Variants in TBL1X observed in about 807,000 individuals in gnomAD.
TBL1X encodes the protein F-box-like/WD repeat-containing protein TBL1X.
Under a neutral mutation model 50.7 loss-of-function variants are expected in TBL1X, and 10 were observed. The observed-to-expected ratio is 0.20, with a 90% CI of 0.12 to 0.33. The LOEUF is 0.33. Ranked by LOEUF, TBL1X falls within the 10% of genes least tolerant of loss-of-function variation. The pLI, the probability that TBL1X is intolerant of heterozygous loss-of-function variation, is 1.00. For missense variants in TBL1X, 340 were observed against 504.4 expected, an observed-to-expected ratio of 0.67 and a Z score of 3.12; for synonymous variants, 190 against 214.7, an observed-to-expected ratio of 0.88 and a Z score of 1.01.
At chrX:9,709,876 G>T (rs1161432206) in intron 15 of TBL1X, 116 bp downstream of exon 15, 2 of 1,004,065 alleles carry the variant, frequency 2.0e-6, no homozygotes, top group African/African-American at 3.8e-5. Flanking sequence ...CAAAGCGGTA[G>T]CTCACTTTGA....
At chrX:9,651,576 A>G (rs901090226) in intron 3 of TBL1X, among the ~76,000 whole-genome samples, 3 of 112,490 alleles carry the variant, frequency 2.7e-5, no homozygotes, top group African/African-American at 9.7e-5. Context: ...CATTCTTTAG[A>G]TAGATTTTTG....
chrX:9,500,644 A>G (rs1286472265), intron 1 of TBL1X, among the ~76,000 whole-genome samples: 2 of 111,804 alleles, frequency 1.8e-5, no homozygotes, highest in African/African-American at 3.3e-5. Flanking sequence ...CACCTACCCA[A>G]TTGTGGTGGG....
intron 2 of TBL1X, among the ~76,000 whole-genome samples, chrX:9,613,621 A>T (rs2082624573): frequency 8.9e-6 from 1 of 111,908 alleles, no homozygotes; most frequent in Admixed American, 9.5e-5. Context: ...GATCTCAGTA[A>T]TTTTTTAAAT....
chrX:9,545,235 T>C (rs1344010578), intron 2 of TBL1X, among the ~76,000 whole-genome samples: 1 of 110,478 alleles, frequency 9.1e-6, no homozygotes, highest in Non-Finnish European at 1.9e-5. Context: ...CCCCCATTTT[T>C]ATGGTTTGAA....
At chrX:9,692,595 A>G (rs1308149537) in intron 9 of TBL1X, among the ~76,000 whole-genome samples, 1 of 111,857 alleles carries the variant, frequency 8.9e-6, no homozygotes, top group Non-Finnish European at 1.9e-5. Flanking sequence ...TTTAGTAGAG[A>G]TGGGGTTTCA....
At chrX:9,649,605 C>A (rs2082822884) in intron 3 of TBL1X, among the ~76,000 whole-genome samples, 1 of 111,912 alleles carries the variant, frequency 8.9e-6, no homozygotes, top group South Asian at 3.7e-4. Context: ...ATTAGAGGAA[C>A]AGATAATTAA....
chrX:9,613,801 C>T (rs1405130819), intron 2 of TBL1X, among the ~76,000 whole-genome samples: 5 of 109,289 alleles, frequency 4.6e-5, no homozygotes, highest in African/African-American at 1.3e-4. Context: ...GCCTGGCCAA[C>T]GTGGTGAAAC....
intron 2 of TBL1X, among the ~76,000 whole-genome samples, chrX:9,551,858 C>T (rs2238857): frequency 0.33 from 36,823 of 110,630 alleles, 4,437 homozygotes; most frequent in East Asian, 0.51. Context: ...GTTTCTCCCC[C>T]GGAGACCCTC....
At chrX:9,623,191 A>G (rs1395235401) in intron 2 of TBL1X, among the ~76,000 whole-genome samples, 2 of 112,404 alleles carry the variant, frequency 1.8e-5, no homozygotes, top group Non-Finnish European at 3.8e-5. Flanking sequence ...TGTACAGGCA[A>G]CATGCTAAGG....
At chrX:9,708,044 C>T (rs2146656143) in intron 13 of TBL1X, among the ~76,000 whole-genome samples, 1 of 112,212 alleles carries the variant, frequency 8.9e-6, no homozygotes, top group Non-Finnish European at 1.9e-5. Context: ...TAGGCCGGGA[C>T]AGCAGGTGTC....
intron 2 of TBL1X, among the ~76,000 whole-genome samples, chrX:9,639,203 T>A (rs1311150853): frequency 9.0e-6 from 1 of 111,180 alleles, no homozygotes; most frequent in Non-Finnish European, 1.9e-5. Flanking sequence ...ACTATAAACA[T>A]GACTCAGTGG....
At chrX:9,658,140 G>A (rs911545577) in intron 5 of TBL1X, among the ~76,000 whole-genome samples, 4 of 111,684 alleles carry the variant, frequency 3.6e-5, no homozygotes, top group African/African-American at 1.3e-4. Flanking sequence ...CTTCTGCCAT[G>A]ATTGTGAGGC....
At chrX:9,707,427 G>T (rs1279605759) in intron 13 of TBL1X, among the ~76,000 whole-genome samples, 1 of 112,528 alleles carries the variant, frequency 8.9e-6, no homozygotes, top group Non-Finnish European at 1.9e-5. Context: ...CAGGTGTCCT[G>T]CCCAGGACCT....
intron 5 of TBL1X, among the ~76,000 whole-genome samples, chrX:9,666,643 T>G (rs1027346810): frequency 1.8e-5 from 2 of 111,912 alleles, no homozygotes; most frequent in African/African-American, 6.5e-5. Context: ...ATTGTTTGAC[T>G]TGTCTGTTTT....
rs375003960 is a variant in TBL1X at position 9,693,669 on chromosome X, AGT to A, written c.1053+252_1053+253del. ...TCCCTTTATTTGAGGTACATGGTTC[AGT>A]GGTAGAGAGAGGACAATCTCCACAT... On this transcript the variant is annotated intron_variant, in intron 11 of 17. Coordinates refer to ENST00000645353, the MANE Select transcript of TBL1X (RefSeq NM_005647.4). Among the ~76,000 whole-genome samples, 698 of 111,639 alleles carry A rather than the reference AGT, an allele frequency of 6.3e-3. 5 individuals are homozygous for A. Among genetic ancestry groups the A allele is most frequent in the African/African-American group, 0.021 (658 of 30,657 alleles).
At chrX:9,550,636 A>G (rs1392401704) in intron 2 of TBL1X, among the ~76,000 whole-genome samples, 1 of 112,210 alleles carries the variant, frequency 8.9e-6, no homozygotes, top group Non-Finnish European at 1.9e-5. Context: ...TGTAGGAAAA[A>G]AAATGTGGGG....
chrX:9,662,033 C>G (rs766995896), intron 5 of TBL1X, among the ~76,000 whole-genome samples: 3 of 111,320 alleles, frequency 2.7e-5, no homozygotes, highest in South Asian at 3.8e-4. Context: ...GAAGCACTTC[C>G]CTGAGGCTTC....
intron 5 of TBL1X, among the ~76,000 whole-genome samples, chrX:9,656,819 G>A (rs756993467): frequency 2.4e-4 from 27 of 112,156 alleles, no homozygotes; most frequent in Non-Finnish European, 4.9e-4. Flanking sequence ...TTCATTCTGG[G>A]GTTATTTTCT....
At chrX:9,702,093 G>C (rs765840207) in intron 12 of TBL1X, among the ~76,000 whole-genome samples, 2 of 111,428 alleles carry the variant, frequency 1.8e-5, no homozygotes, top group Non-Finnish European at 3.8e-5. Context: ...TTGATGGTTA[G>C]TATTCAGAGA....
Sources: gnomAD v4.1 joint callset for allele counts (sites outside exome capture counted in the v4.1 genomes callset) on GRCh38, gnomAD v4.1.1 for gene constraint, MANE v1.5 for transcripts, NCBI Gene and HGNC (gene_info 2026-07-23, HGNC 2026-07-21) for gene names.